The following REELD1 variants were observed in gnomAD, a reference collection of about 807,000 sequenced individuals.
REELD1 encodes reeler domain containing 1.
A neutral mutation model predicts 6.3 loss-of-function variants in REELD1; 12 were observed. The ratio of observed to expected loss-of-function variants is 1.89; its 90% CI spans 1.21 to 3.07. REELD1 has a LOEUF of 3.07. Among genes scored for constraint, REELD1 ranks in the 30% most tolerant of loss-of-function variants. The pLI is 0.00. For synonymous variants in REELD1, 57 were observed against 33.6 expected (o/e 1.70, Z -2.42); for missense variants, 163 against 86.8 (o/e 1.88, Z -3.49).
intron 2 of REELD1, 73 bp from the exon 3 acceptor site, chr4:146,216,869 C>A (rs1287498038): frequency 1.5e-5 from 6 of 397,638 alleles, no homozygotes. Flanking sequence ...TCAGGTTAGT[C>A]ACATCCCGAG....
intron 3 of REELD1, among the ~76,000 whole-genome samples, chr4:146,217,882 A>T (rs1007281478): frequency 2.6e-5 from 4 of 152,248 alleles, no homozygotes; most frequent in Non-Finnish European, 5.9e-5. Flanking sequence ...ACTATGTGTA[A>T]GTATATCAAA....
intron 5 of REELD1, among the ~76,000 whole-genome samples, chr4:146,227,059 G>C (rs79035571): frequency 6.6e-6 from 1 of 152,152 alleles, no homozygotes; most frequent in Non-Finnish European, 1.5e-5. Context: ...AGGCGCGAGC[G>C]CCCGGCCTCT....
rs1388999063 is a variant in REELD1 at position 146,217,058 on chromosome 4, A to C, written c.106A>C (p.Met36Leu). The change falls in exon 3 of 8, where the codon ATG (methionine) becomes CTG (leucine). Residue 36 changes from methionine (M) to leucine (L), a missense_variant. By Grantham distance (15) the Met-to-Leu change is conservative (BLOSUM62 2). Transcript: ENST00000623665. ...TGCCAGCACGGTGGCCTGTGATGAC[A>C]TGCAGCCCAAGCACATCCAAGCCCA... ...HGASTVACDDMQPKHIQAQPQ... is the reference protein window; with the variant it reads ...HGASTVACDDLQPKHIQAQPQ... 5.0e-6 allele frequency: 2 copies of C among 399,004 alleles called. No homozygotes were observed. Among genetic ancestry groups the C allele is most frequent in the African/African-American group, 4.1e-5 (2 of 48,592 alleles). The allele number at this position is 399,004 out of a possible 1,614,324, so 24.7% of individuals were successfully genotyped here.
chr4:146,220,679 G>A (rs1274860156), intron 3 of REELD1, among the ~76,000 whole-genome samples: 3 of 152,232 alleles, frequency 2.0e-5, no homozygotes, highest in Non-Finnish European at 4.4e-5. Context: ...AAGGCCTTAC[G>A]TGAAAAGATT....
At chr4:146,229,826 C>T (rs774572166) in intron 7 of REELD1, 79 bp from the exon 8 acceptor site, 1 of 396,140 alleles carries the variant, frequency 2.5e-6, no homozygotes, top group Non-Finnish European at 4.4e-6. Flanking sequence ...TTTAAGGAAC[C>T]CCAGTTAGTT....
chr4:146,215,533 A>G (rs1730808809), intron 2 of REELD1, among the ~76,000 whole-genome samples: 1 of 152,096 alleles, frequency 6.6e-6, no homozygotes, highest in Non-Finnish European at 1.5e-5. Context: ...GGAGTGGAGG[A>G]CACTTGATTA....
chr4:146,226,218 C>A (rs1005009352), intron 5 of REELD1, among the ~76,000 whole-genome samples: 9 of 152,196 alleles, frequency 5.9e-5, no homozygotes, highest in Non-Finnish European at 1.2e-4. Flanking sequence ...TCCTCCTCCA[C>A]CCCATTAGGT....
intron 5 of REELD1, among the ~76,000 whole-genome samples, chr4:146,227,958 G>A (rs563670769): frequency 1.3e-5 from 2 of 152,270 alleles, no homozygotes; most frequent in East Asian, 1.9e-4. Context: ...AATGGTGGCT[G>A]TTAAGAAGGT....
rs1459753847 is a variant in REELD1 at position 146,228,199 on chromosome 4, C to T, written c.596-11C>T. 1 of 699,492 alleles carries T rather than the reference C, an allele frequency of 1.4e-6. No individual in the cohort carries two copies. The highest frequency in any genetic ancestry group is 2.6e-6 in the Non-Finnish European group (1 of 383,222). The allele number at this position is 699,492 out of a possible 1,614,324, so 43.3% of individuals were successfully genotyped here. ...TCACTCACTCTGCGCTGTCTTTGGACCTCTGCTTAGCTCCCAGGACCCCCA... is the reference window on the plus strand; with the variant it reads ...TCACTCACTCTGCGCTGTCTTTGGATCTCTGCTTAGCTCCCAGGACCCCCA... On this transcript the variant is annotated splice_polypyrimidine_tract_variant and intron_variant, in intron 5 of 7. Coordinates refer to ENST00000623665, the MANE Select transcript of REELD1 (RefSeq NM_001354631.1).
At chr4:146,217,316 C>G (rs1045182039) in intron 3 of REELD1, among the ~76,000 whole-genome samples, 156 bp downstream of exon 3, 6 of 152,194 alleles carry the variant, frequency 3.9e-5, no homozygotes, top group African/African-American at 1.4e-4. Context: ...CTGTGTTGCC[C>G]TGGCTGGTCT....
chr4:146,229,205 C>G, intron 7 of REELD1, 117 bp downstream of exon 7: 1 of 640,990 alleles, frequency 1.6e-6, no homozygotes, highest in South Asian at 1.8e-5. Flanking sequence ...GAGAAGAAGG[C>G]AAAGTACAAT....
chr4:146,217,692 A>G (rs535180346), intron 3 of REELD1, among the ~76,000 whole-genome samples: 3 of 152,374 alleles, frequency 2.0e-5, no homozygotes, highest in Non-Finnish European at 4.4e-5. Flanking sequence ...TGTCCTTACC[A>G]TAAGATATAA....
chr4:146,228,179 C>T, intron 5 of REELD1, 31 bp from the exon 6 acceptor site: 3 of 687,372 alleles, frequency 4.4e-6, no homozygotes, highest in Non-Finnish European at 8.0e-6. Flanking sequence ...TGCTCTCACT[C>T]ACTCTGCGCT....
At chr4:146,225,182 AAAG>A (rs1171162245) in intron 5 of REELD1, among the ~76,000 whole-genome samples, 1 of 152,144 alleles carries the variant, frequency 6.6e-6, no homozygotes, top group Non-Finnish European at 1.5e-5. Context: ...ACTCCTGAAA[AAAG>A]AAAAGAAAAG....
chr4:146,222,529 G>A lies in REELD1; in HGVS notation c.381G>A (p.Leu127=), dbSNP rs1730942735. Residue 127 remains leucine, a synonymous_variant, in exon 4 of 8, where the codon CTG becomes CTA. Transcript: ENST00000623665. ...THSDKSLKRN[L]SFVWKAPAQP... ...CTGACAAGTCCCTGAAGAGAAACCT[G>A]TCATTCGTGTGGAAGGCCCCAGCCC... is the stretch of plus-strand genomic sequence containing the variant. 2.5e-6 allele frequency: 1 copy of A among 398,488 alleles called. No homozygotes were observed. Among genetic ancestry groups the A allele is most frequent in the African/African-American group, 2.1e-5 (1 of 48,626 alleles). 24.7% of individuals were successfully genotyped at this position (398,488 alleles called of 1,614,324 possible).
At chr4:146,221,483 T>C (rs1730921425) in intron 3 of REELD1, among the ~76,000 whole-genome samples, 1 of 152,206 alleles carries the variant, frequency 6.6e-6, no homozygotes, top group South Asian at 2.1e-4. Context: ...CATAGTCTTA[T>C]CAAGACTGCT....
rs1560728576 is a variant in REELD1 at position 146,232,142 on chromosome 4, A to C, written c.*1629A>C. ...AGAGCCAGATGCACCATGTATGCAA[A>C]CTTTTTTAGATCTTTTCTGTCTAAG... is the stretch of plus-strand genomic sequence containing the variant. On this transcript the variant is annotated 3_prime_UTR_variant, in exon 8 of 8. Coordinates refer to ENST00000623665, the MANE Select transcript of REELD1 (RefSeq NM_001354631.1). 1 of 152,206 alleles carries C rather than the reference A, an allele frequency of 6.6e-6. No individual in the cohort carries two copies. 9.4% of individuals were successfully genotyped at this position (152,206 alleles called of 1,614,324 possible).
rs1731121174 is a variant in REELD1 at position 146,230,926 on chromosome 4, T to C, written c.*413T>C. 6.5e-6 allele frequency: 1 copy of C among 153,388 alleles called. No individual in the cohort carries two copies. The highest frequency in any genetic ancestry group is 6.5e-5 in the Admixed American group (1 of 15,304). 9.5% of individuals were successfully genotyped at this position (153,388 alleles called of 1,614,324 possible). A position where few individuals can be genotyped will look rare whatever the true frequency, so the allele number is the denominator to read the frequency against. On this transcript the variant is annotated 3_prime_UTR_variant, in exon 8 of 8. Coordinates refer to ENST00000623665, the MANE Select transcript of REELD1 (RefSeq NM_001354631.1). ...TTTGGGGAAAAAAAGTAATGTTGGG[T>C]TGTGTCTCCTGCAAGAAAAAGAACT...
At chr4:146,228,877 C>T (rs1293506085) in intron 6 of REELD1, 148 bp from the exon 7 acceptor site, 1 of 593,612 alleles carries the variant, frequency 1.7e-6, no homozygotes, top group African/African-American at 1.8e-5. Flanking sequence ...CATCTCTCCC[C>T]TTCCTCTTCT....
Sources: gnomAD v4.1 joint callset for allele counts (sites outside exome capture counted in the v4.1 genomes callset) on GRCh38, gnomAD v4.1.1 for gene constraint, MANE v1.5 for transcripts, NCBI Gene and HGNC (gene_info 2026-07-23, HGNC 2026-07-21) for gene names.